MYBPH: variants seen among roughly 807,000 people sequenced by gnomAD.
MYBPH encodes the protein myosin-binding protein H.
MYBPH carries 49 observed loss-of-function variants against 53.6 expected under a neutral mutation model. The ratio of observed to expected loss-of-function variants is 0.91; its 90% CI spans 0.73 to 1.16. The LOEUF (loss-of-function observed/expected upper bound fraction) is 1.16. Ranked by LOEUF, MYBPH falls within the 50% of genes most tolerant of loss-of-function variation. The pLI, the probability that MYBPH is intolerant of heterozygous loss-of-function variation, is 0.00. For synonymous variants in MYBPH, 239 were observed against 249.6 expected, an observed-to-expected ratio of 0.96 and a Z score of 0.40; for missense variants, 558 against 624.1, an observed-to-expected ratio of 0.89 and a Z score of 1.13.
chr1:203,172,809 A>G (rs1655725529), intron 3 of MYBPH, among the ~76,000 whole-genome samples: 1 of 152,166 alleles, frequency 6.6e-6, no homozygotes. Context: ...TGCTGGGTCC[A>G]TGACTGAGGC....
upstream of MYBPH, chr1:203,175,944 C>A: frequency 1.7e-6 from 1 of 601,984 alleles, no homozygotes; most frequent in Non-Finnish European, 2.9e-6. Context: ...GGCGCCCAGG[C>A]CAGGAATAGC....
intron 3 of MYBPH, among the ~76,000 whole-genome samples, chr1:203,173,082 C>T (rs1366018698): frequency 6.6e-6 from 1 of 152,206 alleles, no homozygotes; most frequent in African/African-American, 2.4e-5. Flanking sequence ...GGCTGTTCCC[C>T]ACTTGTTCAC....
At position 203,170,277 on chromosome 1, in the gene MYBPH, G is replaced by A. The variant is rs1254946125; in HGVS notation, c.1093+14C>T. 1.9e-5 allele frequency: 30 copies of A among 1,613,774 alleles called. No homozygotes were observed. Among genetic ancestry groups the A allele is most frequent in the Admixed American group, 3.3e-5 (2 of 59,986 alleles). ...GGAGAGAGTTAGCACAGCCAGCTCC[G>A]GGCCCAAACCCACCTGCCTTCTGGA... On this transcript the variant is annotated intron_variant, in intron 7 of 10. Coordinates refer to ENST00000255416, the MANE Select transcript of MYBPH (RefSeq NM_004997.3).
At position 203,169,054 on chromosome 1, in the gene MYBPH, C is replaced by G; in HGVS notation, c.1269G>C (p.Gln423His). Residue 423 changes from glutamine to histidine, a missense_variant, in exon 9 of 11, where the codon CAG (glutamine) becomes CAC (histidine). By Grantham distance (24) the Gln-to-His change is conservative (BLOSUM62 0). Transcript: ENST00000255416. ...AGAGGGCGCGGTATTTGGGGTTGCC[C>G]TGGATCTCCATCTTGTTTTTCATCC... ...IIWMKNKMEI[Q>H]GNPKYRALSE... 1.2e-6 allele frequency: 2 copies of G among 1,613,978 alleles called. No individual in the cohort carries two copies. Among genetic ancestry groups the G allele is most frequent in the South Asian group, 1.1e-5 (1 of 91,084 alleles).
Position 203,168,963 on chromosome 1 carries a change from A to T in MYBPH, c.1360T>A (p.Cys454Ser). The change falls in exon 9 of 11, where the codon TGC (cysteine) becomes AGC (serine). Residue 454 changes from cysteine to serine, a missense_variant. Coordinates refer to ENST00000255416, the MANE Select transcript of MYBPH (RefSeq NM_004997.3). The part of the protein sequence containing the change: ...PSPFDSGVYT[C>S]KAINVLGEAS... ...TCCCCCAGCACATTTATGGCCTTGC[A>T]GGTGTAGACCCCAGAATCAAAGGGG... 6.2e-7 allele frequency: 1 copy of T among 1,614,004 alleles called. No homozygotes were observed. Among genetic ancestry groups the T allele is most frequent in the East Asian group, 2.2e-5 (1 of 44,882 alleles).
Position 203,175,728 on chromosome 1 carries a change from G to T in MYBPH, c.28C>A (p.Pro10Thr). Reference sequence around the variant, plus strand: ...GCGGTCTCCTCTGGACTGCAGGCAGGGCCCTCGGAGGTGTTTTTTTCCATC... The same window carrying T: ...GCGGTCTCCTCTGGACTGCAGGCAGTGCCCTCGGAGGTGTTTTTTTCCATC... Reference protein sequence around the residue: MMEKNTSEGPACSPEETASE... With the variant: MMEKNTSEGTACSPEETASE... The change falls in exon 1 of 11, where the codon CCT (proline) becomes ACT (threonine). Residue 10 changes from proline (P) to threonine (T), a missense_variant. Pro to Thr is a conservative substitution (Grantham distance 38). Coordinates refer to ENST00000255416, the MANE Select transcript of MYBPH (RefSeq NM_004997.3). 1 of 1,614,046 alleles carries T rather than the reference G, an allele frequency of 6.2e-7. No homozygotes were observed. The highest frequency in any genetic ancestry group is 8.5e-7 in the Non-Finnish European group (1 of 1,180,010).
chr1:203,172,824 C>T (rs1421809909), intron 3 of MYBPH, among the ~76,000 whole-genome samples: 1 of 152,204 alleles, frequency 6.6e-6, no homozygotes, highest in Non-Finnish European at 1.5e-5. Flanking sequence ...TGAGGCTCCT[C>T]AGCAGCAAAC....
intron 7 of MYBPH, among the ~76,000 whole-genome samples, chr1:203,169,705 T>C (rs1047541323): frequency 1.3e-5 from 2 of 152,228 alleles, no homozygotes; most frequent in Admixed American, 1.3e-4. Context: ...CAAAAGTTTC[T>C]TCCTAATTCT....
At chr1:203,179,195 A>C, upstream of MYBPH, 1 of 358,470 alleles carries the variant, frequency 2.8e-6, no homozygotes. Flanking sequence ...ATTTCCATTA[A>C]TCAACAAGTG....
chr1:203,171,839 G>T lies in MYBPH; in HGVS notation c.597+113C>A. On this transcript the variant is annotated intron_variant, in intron 4 of 10. Coordinates refer to ENST00000255416, the MANE Select transcript of MYBPH (RefSeq NM_004997.3). The surrounding 1 kb of genome is among the most constrained non-coding windows in gnomAD (Gnocchi z 4.2). ...TGCATGATTGCGGAAGGATGAAGCC[G>T]TCTCGCTGGGTCTCAGCTGGACCCT... 1 of 748,042 alleles carries T rather than the reference G, an allele frequency of 1.3e-6. No homozygotes were observed. The highest frequency in any genetic ancestry group is 2.0e-6 in the Non-Finnish European group (1 of 500,208). 46.3% of individuals were successfully genotyped at this position (748,042 alleles called of 1,614,324 possible). A position where few individuals can be genotyped will look rare whatever the true frequency, so the allele number is the denominator to read the frequency against.
Position 203,171,120 on chromosome 1 carries a change from C to T in MYBPH, c.874G>A (p.Asp292Asn), listed in dbSNP as rs775194533. ...CCCAGGAGCTCTGTGTTGCCTGTGT[C>T]CTGGGGTGGCGTCCACTGAAGAGCA... ...NAALQWTPPQ[D>N]TGNTELLGYM... The change falls in exon 6 of 11, where the codon GAC becomes AAC. Residue 292 changes from aspartate to asparagine, a missense_variant. Coordinates refer to ENST00000255416, the MANE Select transcript of MYBPH (RefSeq NM_004997.3). This position sits in a 1 kb window ranked among gnomAD's most constrained non-coding sequence, Gnocchi z 4.2. The T allele has an allele frequency of 1.1e-5, 17 of 1,613,506 alleles. No individual in the cohort carries two copies. The highest frequency in any genetic ancestry group is 1.4e-5 in the Non-Finnish European group (16 of 1,179,750).
Position 203,175,735 on chromosome 1 carries a change from G to A in MYBPH, c.21C>T (p.Ser7=), listed in dbSNP as rs746703129. 1.2e-5 allele frequency: 19 copies of A among 1,613,878 alleles called. No homozygotes were observed. In the East Asian group the frequency reaches 2.0e-4, roughly 17 times the overall value. ...CCTCTGGACTGCAGGCAGGGCCCTC[G>A]GAGGTGTTTTTTTCCATCATTGCTG... MMEKNT[S]EGPACSPEET... is the part of the protein sequence containing the mutation. Residue 7 remains serine, a synonymous_variant, in exon 1 of 11, where the codon TCC becomes TCT. Transcript: ENST00000255416.
rs1655701085 is a variant in MYBPH at position 203,171,742 on chromosome 1, T to A, written c.598-164A>T. On this transcript the variant is annotated intron_variant, in intron 4 of 10. Coordinates refer to ENST00000255416, the MANE Select transcript of MYBPH (RefSeq NM_004997.3). This position sits in a 1 kb window ranked among gnomAD's most constrained non-coding sequence, Gnocchi z 4.2. ...GCCACAGGTGCTGCCCACAGCCACA[T>A]CTTCCAGGTGTCCATCCCGCTCTGG... Among the ~76,000 whole-genome samples, 1 of 152,156 alleles carries A rather than the reference T, an allele frequency of 6.6e-6. No homozygotes were observed. The highest frequency in any genetic ancestry group is 1.5e-5 in the Non-Finnish European group (1 of 68,016).
intron 3 of MYBPH, among the ~76,000 whole-genome samples, chr1:203,172,810 T>A (rs12097720): frequency 1.0e-3 from 155 of 152,288 alleles, no homozygotes; most frequent in African/African-American, 3.6e-3. Context: ...GCTGGGTCCA[T>A]GACTGAGGCT....
In MYBPH at chr1:203,175,595, G is replaced by A. The variant is rs775382700; in HGVS notation, c.161C>T (p.Ala54Val). ...VPKPQAPAPQAPTASTATKPA... is the reference protein window; with the variant it reads ...VPKPQAPAPQVPTASTATKPA... The stretch of plus-strand genomic sequence containing the variant: ...CTTAGTGGCTGTGGAGGCTGTAGGG[G>A]CCTGTGGGGCAGGGGCCTGCGGCTT... The change falls in exon 1 of 11, where the codon GCC becomes GTC. Residue 54 changes from alanine (A) to valine (V), a missense_variant. Coordinates refer to ENST00000255416, the MANE Select transcript of MYBPH (RefSeq NM_004997.3). 12 of 1,613,890 alleles carry A rather than the reference G, an allele frequency of 7.4e-6. No individual in the cohort carries two copies. The East Asian group carries it at 2.5e-4, about 33-fold the overall frequency.
At chr1:203,176,066 G>A (rs1039403996), upstream of MYBPH, among the ~76,000 whole-genome samples, 8 of 152,174 alleles carry the variant, frequency 5.3e-5, no homozygotes, top group Non-Finnish European at 1.2e-4. Flanking sequence ...GCGCAGATGG[G>A]TGAGATGGGA....
At chr1:203,173,906 G>A (rs1021789711) in intron 3 of MYBPH, among the ~76,000 whole-genome samples, 28 of 152,254 alleles carry the variant, frequency 1.8e-4, no homozygotes, top group African/African-American at 5.8e-4. Context: ...GCTGGCCTGC[G>A]GGGCCCCAGT....
intron 7 of MYBPH, 145 bp downstream of exon 7, chr1:203,170,146 G>T: frequency 1.0e-6 from 1 of 955,788 alleles, no homozygotes; most frequent in Non-Finnish European, 1.5e-6. Context: ...CCATGTGTGT[G>T]TATGCATAGC....
At chr1:203,176,002 C>G (rs1409922862), upstream of MYBPH, among the ~76,000 whole-genome samples, 1 of 152,170 alleles carries the variant, frequency 6.6e-6, no homozygotes, top group Non-Finnish European at 1.5e-5. Context: ...CTTCCTCATC[C>G]ATCTCCCCGA....
Sources: allele counts gnomAD v4.1 joint callset (sites outside exome capture counted in the v4.1 genomes callset), GRCh38; gene constraint gnomAD v4.1.1; non-coding constraint Gnocchi (gnomAD v3.1); transcripts MANE v1.5; gene names NCBI Gene and HGNC (gene_info 2026-07-23, HGNC 2026-07-21).